Variants in CFAP20 observed in about 807,000 individuals in gnomAD.
CFAP20 encodes cilia and flagella associated protein 20.
CFAP20 carries 14 observed loss-of-function variants against 25.5 expected under a neutral mutation model. The ratio of observed to expected loss-of-function variants is 0.55; its 90% confidence interval spans 0.36 to 0.86. CFAP20 has a LOEUF of 0.86. Ranked by LOEUF, CFAP20 falls within the 40% of genes least tolerant of loss-of-function variation. The pLI is 0.01. For synonymous variants in CFAP20, 75 were observed against 91.1 expected (o/e 0.82, Z 1.01); for missense variants, 181 against 248.0 (o/e 0.73, Z 1.81).
At chr16:58,118,936 GTCTT>G (rs1363180870) in intron 1 of CFAP20, among the ~76,000 whole-genome samples, 10 of 152,132 alleles carry the variant, frequency 6.6e-5, no homozygotes, top group African/African-American at 2.4e-4. Flanking sequence ...CAAACATACG[GTCTT>G]TCTTTGTGGA....
chr16:58,124,488 A>G (rs1960583229), intron 1 of CFAP20, among the ~76,000 whole-genome samples: 1 of 152,228 alleles, frequency 6.6e-6, no homozygotes, highest in Non-Finnish European at 1.5e-5. Flanking sequence ...CTTAGACAGT[A>G]CAACATCCTA....
chr16:58,126,980 AAATTAG>A (rs56709450), intron 1 of CFAP20, among the ~76,000 whole-genome samples: 13,852 of 152,180 alleles, frequency 0.091, 1,734 homozygotes, highest in African/African-American at 0.29. Flanking sequence ...TAGAAACACA[AAATTAG>A]CTTTTACCGT....
Position 58,129,269 on chromosome 16 carries a change from C to A in CFAP20, c.-154G>T. The A allele has an allele frequency of 1.4e-6, 1 of 729,304 alleles. No individual in the cohort carries two copies. Among genetic ancestry groups the A allele is most frequent in the South Asian group, 1.8e-5 (1 of 54,290 alleles). The allele number at this position is 729,304 out of a possible 1,614,324, so 45.2% of individuals were successfully genotyped here. On this transcript the variant is annotated 5_prime_UTR_variant, in exon 1 of 6. Coordinates refer to ENST00000262498, the MANE Select transcript of CFAP20 (RefSeq NM_013242.3). ...CCTCCGGATCTGCAGCCACTGATGG[C>A]CGGACTCGGACGCGGCAACGCTAAG...
At chr16:58,114,453 A>G (rs1230367076) in intron 5 of CFAP20, among the ~76,000 whole-genome samples, 1 of 151,696 alleles carries the variant, frequency 6.6e-6, no homozygotes, top group Admixed American at 6.6e-5. Flanking sequence ...TTGAACCTGG[A>G]AGGCAGAGGT....
intron 1 of CFAP20, among the ~76,000 whole-genome samples, chr16:58,117,855 C>T (rs974282579): frequency 3.9e-5 from 6 of 152,198 alleles, no homozygotes; most frequent in Non-Finnish European, 8.8e-5. Flanking sequence ...TCCCTATCTG[C>T]TTTTGCCTAA....
At chr16:58,114,692 C>T (rs1597085772) in intron 5 of CFAP20, 118 bp downstream of exon 5, 1 of 724,944 alleles carries the variant, frequency 1.4e-6, no homozygotes, top group Non-Finnish European at 2.4e-6. Flanking sequence ...GATATAAAGG[C>T]ACCCCAAAGT....
At position 58,116,115 on chromosome 16, in the gene CFAP20, T is replaced by A; in HGVS notation, c.202A>T (p.Thr68Ser). The A allele has an allele frequency of 6.2e-7, 1 of 1,613,630 alleles. No homozygotes were observed. The highest frequency in any genetic ancestry group is 8.5e-7 in the Non-Finnish European group (1 of 1,179,570). ...YITCPADPKKTLGIKLPFLVM... is the reference protein window; with the variant it reads ...YITCPADPKKSLGIKLPFLVM... ...AGGAAAGGAAGTTTAATTCCCAGCG[T>A]CTTCTTGGGGTCTGCAGGGCATGTG... is the stretch of plus-strand genomic sequence containing the variant. Residue 68 changes from threonine (T) to serine (S), a missense_variant, in exon 3 of 6, where the codon ACG (threonine) becomes TCG (serine). Coordinates refer to ENST00000262498, the MANE Select transcript of CFAP20 (RefSeq NM_013242.3).
intron 1 of CFAP20, among the ~76,000 whole-genome samples, chr16:58,120,956 G>A (rs925904622): frequency 4.6e-5 from 7 of 152,204 alleles, no homozygotes; most frequent in Admixed American, 4.6e-4. Flanking sequence ...AAATTAAGTG[G>A]ATTTGTTAGT....
In CFAP20 at chr16:58,113,936, T is replaced by C; in HGVS notation, c.*89A>G. 1 of 1,436,580 alleles carries C rather than the reference T, an allele frequency of 7.0e-7. No homozygotes were observed. Among genetic ancestry groups the C allele is most frequent in the Non-Finnish European group, 9.8e-7 (1 of 1,019,426 alleles). 89.0% of individuals were successfully genotyped at this position (1,436,580 alleles called of 1,614,324 possible). On this transcript the variant is annotated 3_prime_UTR_variant, in exon 6 of 6. Transcript: ENST00000262498. ...AGAACTACAGCAGAGCAAACTAAGA[T>C]AAATATGTTTTTGCATCGTCCTCCA...
Position 58,129,213 on chromosome 16 carries a change from CT to C in CFAP20, c.-99del, listed in dbSNP as rs2142372925. On this transcript the variant is annotated 5_prime_UTR_variant, in exon 1 of 6. Coordinates refer to ENST00000262498, the MANE Select transcript of CFAP20 (RefSeq NM_013242.3). ...TCGAGGGCACAGCAGCAGGCCGGCC[CT>C]GTTCCGAAGAAGGGTGGTTGAGCTC... The C allele has an allele frequency of 3.0e-6, 4 of 1,344,538 alleles. No individual in the cohort carries two copies. Among genetic ancestry groups the C allele is most frequent in the Non-Finnish European group, 3.1e-6 (3 of 970,414 alleles). The allele number at this position is 1,344,538 out of a possible 1,614,324, so 83.3% of individuals were successfully genotyped here. A position where few individuals can be genotyped will look rare whatever the true frequency, so the allele number is the denominator to read the frequency against.
intron 1 of CFAP20, among the ~76,000 whole-genome samples, chr16:58,120,847 A>C (rs557945946): frequency 6.6e-6 from 1 of 152,356 alleles, no homozygotes; most frequent in African/African-American, 2.4e-5. Flanking sequence ...GCTGGTGGTA[A>C]GACAAACTAA....
At chr16:58,121,485 G>A (rs1960534872) in intron 1 of CFAP20, among the ~76,000 whole-genome samples, 1 of 152,156 alleles carries the variant, frequency 6.6e-6, no homozygotes, top group African/African-American at 2.4e-5. Flanking sequence ...CACTATCAAA[G>A]TGTGGCCTAT....
intron 1 of CFAP20, 143 bp downstream of exon 1, chr16:58,128,889 C>T: frequency 1.1e-6 from 1 of 870,738 alleles, no homozygotes; most frequent in Non-Finnish European, 1.6e-6. Flanking sequence ...GCCCCAGTCC[C>T]GCCAGGCTGG....
chr16:58,129,249 G>A lies in CFAP20; in HGVS notation c.-134C>T, dbSNP rs1226150750. The A allele has an allele frequency of 3.4e-6, 3 of 889,952 alleles. No homozygotes were observed. The South Asian group carries it at 4.9e-5, about 15-fold the overall frequency. 55.1% of individuals were successfully genotyped at this position (889,952 alleles called of 1,614,324 possible). A position where few individuals can be genotyped will look rare whatever the true frequency, so the allele number is the denominator to read the frequency against. On this transcript the variant is annotated 5_prime_UTR_variant, in exon 1 of 6. Transcript: ENST00000262498. The stretch of plus-strand genomic sequence containing the variant: ...AAGGGTGGTTGAGCTCCTGGCCTCC[G>A]GATCTGCAGCCACTGATGGCCGGAC...
intron 1 of CFAP20, among the ~76,000 whole-genome samples, chr16:58,124,150 G>A (rs1293902797): frequency 6.6e-6 from 1 of 152,086 alleles, no homozygotes; most frequent in Non-Finnish European, 1.5e-5. Context: ...AGTGAAGCAG[G>A]TGCCAGAGCA....
intron 1 of CFAP20, among the ~76,000 whole-genome samples, chr16:58,120,615 T>C (rs917316145): frequency 1.3e-5 from 2 of 152,236 alleles, no homozygotes; most frequent in Non-Finnish European, 2.9e-5. Context: ...TAGACTGTAG[T>C]ATTCCTGCAC....
At chr16:58,115,019 T>C in intron 4 of CFAP20, 99 bp from the exon 5 acceptor site, 2 of 1,105,616 alleles carry the variant, frequency 1.8e-6, no homozygotes, top group African/African-American at 1.5e-5. Context: ...AAACGCGTCA[T>C]CTCCGGCATC....
rs1491342696 is a variant in CFAP20 at position 58,118,511 on chromosome 16, CGA to C, written c.85-1562_85-1561del. ...ATCTCAAAAAAAACAAAACAAAAAA[CGA>C]AAAAAAAAAAACAAAACCAAAAAAA... On this transcript the variant is annotated intron_variant, in intron 1 of 5. Transcript: ENST00000262498. Among the ~76,000 whole-genome samples, 47 of 133,142 alleles carry C rather than the reference CGA, an allele frequency of 3.5e-4. No individual in the cohort carries two copies. The East Asian group carries it at 8.8e-3, about 25-fold the overall frequency. The allele number at this position is 133,142 out of a possible 152,430, so 87.3% of individuals were successfully genotyped here. A position where few individuals can be genotyped will look rare whatever the true frequency, so the allele number is the denominator to read the frequency against.
intron 1 of CFAP20, among the ~76,000 whole-genome samples, chr16:58,126,177 GTTC>G (rs1960607892): frequency 6.6e-6 from 1 of 152,144 alleles, no homozygotes; most frequent in Non-Finnish European, 1.5e-5. Flanking sequence ...GTAAGGTACT[GTTC>G]TTCTGCTTAA....
Sources: allele counts gnomAD v4.1 joint callset (sites outside exome capture counted in the v4.1 genomes callset), GRCh38; gene constraint gnomAD v4.1.1; transcripts MANE v1.5; gene names NCBI Gene and HGNC (gene_info 2026-07-23, HGNC 2026-07-21).